ELP2: variants seen among roughly 807,000 people sequenced by gnomAD.
ELP2 encodes elongator complex protein 2.
Under a neutral mutation model 119.2 loss-of-function variants are expected in ELP2, and 90 were observed. That is an observed-to-expected ratio of 0.75 (90% confidence interval 0.64 to 0.90). The LOEUF is 0.90. ELP2 is among the 40% of genes least tolerant of loss of function. The pLI, the probability that ELP2 is intolerant of heterozygous loss-of-function variation, is 0.00. For missense variants in ELP2, 921 were observed against 967.8 expected, an observed-to-expected ratio of 0.95 and a Z score of 0.64; for synonymous variants, 339 against 331.0, an observed-to-expected ratio of 1.02 and a Z score of -0.26.
chr18:36,171,868 C>T (rs2091092061), intron 21 of ELP2, among the ~76,000 whole-genome samples: 1 of 152,172 alleles, frequency 6.6e-6, no homozygotes, highest in Non-Finnish European at 1.5e-5. Context: ...AGACACGCAC[C>T]ACCATGCCAG....
chr18:36,141,259 C>A, intron 6 of ELP2, 58 bp downstream of exon 6: 1 of 1,297,566 alleles, frequency 7.7e-7, no homozygotes, highest in Non-Finnish European at 1.1e-6. Context: ...TATCTCAATA[C>A]AGACTATATC....
intron 20 of ELP2, chr18:36,170,823 G>A (rs2144821745): frequency 3.5e-6 from 2 of 571,334 alleles, no homozygotes; most frequent in East Asian, 6.0e-5. Context: ...CTGGCTCATG[G>A]GCCTTGCCAG....
rs1362201878 is a variant in ELP2, at chr18:36,149,489, T to TG, written c.1125+3108_1125+3109insG. On this transcript the variant is annotated intron_variant, in intron 11 of 21. Transcript: ENST00000358232. ...TTGCAGGGTTTTTTGTTTTGTTTTGTTTTTTTTTTTTTTGCTTAGAAATCA... is the reference window on the plus strand; with the variant it reads ...TTGCAGGGTTTTTTGTTTTGTTTTGTGTTTTTTTTTTTTTGCTTAGAAATCA... Among the ~76,000 whole-genome samples the TG allele has an allele frequency of 1.7e-4, 24 of 139,826 alleles. 1 individual carries two copies. Among genetic ancestry groups the TG allele is most frequent in the Admixed American group, 1.0e-3 (14 of 13,862 alleles). The allele number at this position is 139,826 out of a possible 152,430, so 91.7% of individuals were successfully genotyped here. A position where few individuals can be genotyped will look rare whatever the true frequency, so the allele number is the denominator to read the frequency against.
intron 17 of ELP2, among the ~76,000 whole-genome samples, chr18:36,164,019 G>A (rs918086415): frequency 1.3e-5 from 2 of 152,136 alleles, no homozygotes; most frequent in Non-Finnish European, 2.9e-5. Flanking sequence ...ACAATATTGA[G>A]TATTTTGACA....
At chr18:36,145,911 T>G (rs1789546) in intron 9 of ELP2, 37 bp from the exon 10 acceptor site, 509,709 of 1,516,176 alleles carry the variant, frequency 0.34, 88,850 homozygotes, top group Admixed American at 0.38. Context: ...ACATGATGAT[T>G]GTTGATCACC....
At chr18:36,165,619 T>TG (rs1490600926) in intron 18 of ELP2, among the ~76,000 whole-genome samples, 4 of 152,210 alleles carry the variant, frequency 2.6e-5, no homozygotes, top group Admixed American at 6.5e-5. Flanking sequence ...CAGTGGCTCA[T>TG]GCGTGTGATC....
chr18:36,166,121 A>T (rs1426848489), intron 18 of ELP2, among the ~76,000 whole-genome samples: 1 of 151,816 alleles, frequency 6.6e-6, no homozygotes, highest in South Asian at 2.1e-4. Flanking sequence ...TGAACCCAGG[A>T]GATAAAGGTT....
At position 36,145,964 on chromosome 18, in the gene ELP2, G is replaced by A. The variant is rs1451848134; in HGVS notation, c.909G>A (p.Gln303=). 4.3e-6 allele frequency: 7 copies of A among 1,613,676 alleles called. No individual in the cohort carries two copies. Among genetic ancestry groups the A allele is most frequent in the Non-Finnish European group, 5.9e-6 (7 of 1,179,616 alleles). ...PVFYKDGVLQ[Q]PVRLLSASMD... Reference sequence around the variant, plus strand: ...ATTTTTTAGATGGTGTCCTACAGCAGCCAGTGAGATTATTATCTGCTTCCA... The same window carrying A: ...ATTTTTTAGATGGTGTCCTACAGCAACCAGTGAGATTATTATCTGCTTCCA... The change falls in exon 10 of 22, where the codon CAG becomes CAA. Residue 303 remains glutamine, a synonymous_variant. Coordinates refer to ENST00000358232, the MANE Select transcript of ELP2 (RefSeq NM_018255.4).
rs1213695107 is a variant in ELP2 at position 36,143,051 on chromosome 18, G to T, written c.796+85G>T. ...TTTTTTCACCACCCACCTATGTGAA[G>T]GATAGTTTTTCACAATTGTCAGATT... On this transcript the variant is annotated intron_variant, in intron 8 of 21. Coordinates refer to ENST00000358232, the MANE Select transcript of ELP2 (RefSeq NM_018255.4). 3 of 925,860 alleles carry T rather than the reference G, an allele frequency of 3.2e-6. No individual in the cohort carries two copies. In the African/African-American group the frequency reaches 5.2e-5, roughly 16 times the overall value. The allele number at this position is 925,860 out of a possible 1,614,324, so 57.4% of individuals were successfully genotyped here. A position where few individuals can be genotyped will look rare whatever the true frequency, so the allele number is the denominator to read the frequency against.
rs573878176 is a variant in ELP2 at position 36,178,586 on chromosome 18, A to G, written c.*3945A>G. 7 of 152,270 alleles carry G rather than the reference A, an allele frequency of 4.6e-5. No individual in the cohort carries two copies. The highest frequency in any genetic ancestry group is 4.6e-4 in the Admixed American group (7 of 15,302). 9.4% of individuals were successfully genotyped at this position (152,270 alleles called of 1,614,324 possible). ...GATATTTGATGATATTAAGGAAACA[A>G]CATTTAAACATATGACAGTGGGGCT... On this transcript the variant is annotated 3_prime_UTR_variant, in exon 22 of 22. Transcript: ENST00000358232.
chr18:36,142,897 A>G lies in ELP2; in HGVS notation c.727A>G (p.Thr243Ala). ...AATATGGAAGCTGTATATAAAGTCA[A>G]CATCTTTAGAAACTCAGGATGACGA... is the stretch of plus-strand genomic sequence containing the variant. ...IRIWKLYIKS[T>A]SLETQDDDNI... The change falls in exon 8 of 22, where the codon ACA becomes GCA. Residue 243 changes from threonine to alanine, a missense_variant. Coordinates refer to ENST00000358232, the MANE Select transcript of ELP2 (RefSeq NM_018255.4). 6.2e-7 allele frequency: 1 copy of G among 1,601,742 alleles called. No homozygotes were observed. Among genetic ancestry groups the G allele is most frequent in the Non-Finnish European group, 8.5e-7 (1 of 1,170,500 alleles).
chr18:36,149,618 G>C (rs2144679037), intron 11 of ELP2, among the ~76,000 whole-genome samples: 1 of 150,634 alleles, frequency 6.6e-6, no homozygotes, highest in African/African-American at 2.4e-5. Context: ...GAGGCGATTT[G>C]GGGAAGAAAG....
intron 5 of ELP2, 122 bp from the exon 6 acceptor site, chr18:36,141,015 G>A (rs950796786): frequency 5.0e-6 from 4 of 800,480 alleles, no homozygotes; most frequent in Non-Finnish European, 9.0e-6. Context: ...AATTATTCGT[G>A]TAGTGGTGTG....
intron 2 of ELP2, among the ~76,000 whole-genome samples, chr18:36,134,668 A>G (rs2089764316): frequency 6.6e-6 from 1 of 152,186 alleles, no homozygotes; most frequent in Non-Finnish European, 1.5e-5. Flanking sequence ...GTAAGACTGT[A>G]AAGGAATTCT....
intron 19 of ELP2, among the ~76,000 whole-genome samples, chr18:36,167,778 A>G (rs1010591522): frequency 3.3e-5 from 5 of 151,734 alleles, no homozygotes. Context: ...GGCCCAAGCA[A>G]TTTTCCCACC....
rs1198378869 is a variant in ELP2 at position 36,130,031 on chromosome 18, C to T, written c.98C>T (p.Ala33Val). The part of the protein sequence containing the change: ...NWSSGPRGLL[A>V]FGTSCSVVLY... Reference sequence around the variant, plus strand: ...AGCTCTGGGCCCAGAGGACTTCTGGCCTTTGGCACGTCCTGCTCCGTGGTG... The same window carrying T: ...AGCTCTGGGCCCAGAGGACTTCTGGTCTTTGGCACGTCCTGCTCCGTGGTG... The change falls in exon 1 of 22, where the codon GCC becomes GTC. Residue 33 changes from alanine to valine, a missense_variant. Physicochemically the swap from Ala to Val is moderately conservative, Grantham distance 64. Transcript: ENST00000358232. The T allele has an allele frequency of 3.1e-6, 5 of 1,614,166 alleles. No individual in the cohort carries two copies. Among genetic ancestry groups the T allele is most frequent in the South Asian group, 1.1e-5 (1 of 91,084 alleles).
In ELP2 at chr18:36,138,620, G is replaced by A; in HGVS notation, c.446-175G>A. 3.5e-6 allele frequency: 3 copies of A among 861,572 alleles called. No homozygotes were observed. The Admixed American group carries it at 7.0e-5, about 20-fold the overall frequency. The allele number at this position is 861,572 out of a possible 1,614,324, so 53.4% of individuals were successfully genotyped here. A position where few individuals can be genotyped will look rare whatever the true frequency, so the allele number is the denominator to read the frequency against. On this transcript the variant is annotated intron_variant, in intron 4 of 21. Transcript: ENST00000358232. ...ACTTTTTCATGTAAGTCATTTTGCTGTCTGTAACATCATTAAAATTTGGCC... is the reference window on the plus strand; with the variant it reads ...ACTTTTTCATGTAAGTCATTTTGCTATCTGTAACATCATTAAAATTTGGCC...
rs778037150 is a variant in ELP2, at chr18:36,164,567, G to C, written c.1854G>C (p.Thr618=). The part of the protein sequence containing the change: ...QNLVFHSLTV[T]QMAFSPNEKF... ...TAGTTTTCCACAGTTTGACAGTCAC[G>C]CAGATGGCCTTCTCACCTAATGAGA... The change falls in exon 18 of 22, where the codon ACG becomes ACC. Residue 618 remains threonine (T), a synonymous_variant. Transcript: ENST00000358232. The C allele has an allele frequency of 3.1e-6, 5 of 1,613,916 alleles. No individual in the cohort carries two copies. Among genetic ancestry groups the C allele is most frequent in the Non-Finnish European group, 4.2e-6 (5 of 1,179,960 alleles).
chr18:36,161,572 G>A (rs578210140), intron 17 of ELP2, among the ~76,000 whole-genome samples: 2 of 152,282 alleles, frequency 1.3e-5, no homozygotes, highest in South Asian at 4.1e-4. Flanking sequence ...TGGAAGGATG[G>A]TCTTGAATTC....
Sources: allele counts gnomAD v4.1 joint callset (sites outside exome capture counted in the v4.1 genomes callset), GRCh38; gene constraint gnomAD v4.1.1; transcripts MANE v1.5; gene names NCBI Gene and HGNC (gene_info 2026-07-23, HGNC 2026-07-21).